The following RCBTB2 variants were observed in gnomAD, a reference collection of about 807,000 sequenced individuals.
The protein encoded by RCBTB2 is RCC1 and BTB domain containing protein 2.
RCBTB2 carries 55 observed loss-of-function variants against 65.4 expected under a neutral mutation model. That is an observed-to-expected ratio of 0.84 (90% CI 0.68 to 1.05). RCBTB2 has a LOEUF of 1.05. RCBTB2 is among the 50% of genes least tolerant of loss of function. The pLI is 0.00. For synonymous variants in RCBTB2, 220 were observed against 255.2 expected (o/e 0.86, Z 1.31); for missense variants, 599 against 680.1 (o/e 0.88, Z 1.33).
intron 1 of RCBTB2, among the ~76,000 whole-genome samples, chr13:48,531,246 T>C (rs1027701254): frequency 6.6e-6 from 1 of 152,232 alleles, no homozygotes; most frequent in Admixed American, 6.5e-5. Flanking sequence ...GTTGAATAAA[T>C]GAATGAATCT....
intron 10 of RCBTB2, chr13:48,504,495 G>T: frequency 3.7e-6 from 1 of 272,588 alleles, no homozygotes; most frequent in Non-Finnish European, 5.6e-6. Context: ...ATCTTGTAAG[G>T]CCCAGTTCAA....
chr13:48,496,587 G>GA (rs1289952018), intron 13 of RCBTB2, among the ~76,000 whole-genome samples: 5 of 151,304 alleles, frequency 3.3e-5, no homozygotes, highest in Non-Finnish European at 5.9e-5. Context: ...TTTTTCCTAG[G>GA]AAAAAAGCAT....
intron 13 of RCBTB2, among the ~76,000 whole-genome samples, chr13:48,499,408 C>A (rs1950132267): frequency 6.6e-6 from 1 of 152,206 alleles, no homozygotes; most frequent in Non-Finnish European, 1.5e-5. Flanking sequence ...CTGCAATGCT[C>A]CACGGTGGTG....
chr13:48,504,766 C>T (rs572208740), intron 10 of RCBTB2, among the ~76,000 whole-genome samples: 7 of 152,244 alleles, frequency 4.6e-5, no homozygotes, highest in South Asian at 2.1e-4. Context: ...CCCACTGACA[C>T]GGGCTAGCAC....
In RCBTB2 at chr13:48,515,604, G is replaced by A; in HGVS notation, c.180C>T (p.Tyr60=). Residue 60 remains tyrosine, a synonymous_variant, in exon 5 of 15, where the codon TAC becomes TAT. Transcript: ENST00000344532. ...VFGSAGNEVL[Y]TTVNDEIFVL... is the part of the protein sequence containing the mutation. ...AAATTACCTCATCATTTACTGTAGTGTATAAAACTTCATTGCCAGCACTGC... is the reference window on the plus strand; with the variant it reads ...AAATTACCTCATCATTTACTGTAGTATATAAAACTTCATTGCCAGCACTGC... The A allele has an allele frequency of 7.5e-6, 12 of 1,610,260 alleles. No homozygotes were observed. Among genetic ancestry groups the A allele is most frequent in the Non-Finnish European group, 1.0e-5 (12 of 1,178,844 alleles).
intron 1 of RCBTB2, among the ~76,000 whole-genome samples, chr13:48,527,712 C>T (rs962836660): frequency 8.5e-5 from 13 of 152,064 alleles, no homozygotes; most frequent in African/African-American, 1.7e-4. Context: ...CCTAATTGTA[C>T]GGTTCACTAA....
intron 6 of RCBTB2, among the ~76,000 whole-genome samples, chr13:48,513,875 C>T (rs115005825): frequency 0.011 from 1,698 of 152,298 alleles, 25 homozygotes; most frequent in African/African-American, 0.039. Flanking sequence ...GCAGGAGATA[C>T]ATTCTAAGAC....
At chr13:48,518,473 ATATAT>A (rs1207990050) in intron 4 of RCBTB2, among the ~76,000 whole-genome samples, 37 of 80,748 alleles carry the variant, frequency 4.6e-4, no homozygotes, top group African/African-American at 2.3e-3. Flanking sequence ...AAAAAAAAAA[ATATAT>A]ATATATATAT....
intron 14 of RCBTB2, chr13:48,492,534 G>A (rs895158924): frequency 2.0e-5 from 3 of 152,134 alleles, no homozygotes; most frequent in Non-Finnish European, 4.4e-5. Flanking sequence ...CTACTTCCAC[G>A]CTCCGATCAG....
In RCBTB2 at chr13:48,511,939, T is replaced by A. The variant is rs1280629015; in HGVS notation, c.676-62A>T. On this transcript the variant is annotated intron_variant, in intron 8 of 14. Transcript: ENST00000344532. ...CAAATGGCCAGCAAGCTGTCTGTTA[T>A]GTGGGACATACCATACTGGCATGAG... The A allele has an allele frequency of 1.9e-6, 3 of 1,609,604 alleles. No homozygotes were observed. In the Admixed American group the frequency reaches 5.0e-5, roughly 27 times the overall value.
At chr13:48,490,663 A>AAGAGTTGATGGAAG (rs1183681648) in intron 14 of RCBTB2, among the ~76,000 whole-genome samples, 4 of 152,228 alleles carry the variant, frequency 2.6e-5, no homozygotes, top group African/African-American at 9.6e-5. Flanking sequence ...TCTGCCTATA[A>AAGAGTTGATGGAAG]AGAGTTGATG....
At chr13:48,506,434 G>T (rs116654128) in intron 10 of RCBTB2, among the ~76,000 whole-genome samples, 9 of 152,230 alleles carry the variant, frequency 5.9e-5, no homozygotes, top group African/African-American at 9.7e-5. Context: ...GCAAGGGAGA[G>T]AAAGAATAGT....
chr13:48,511,896 C>T lies in RCBTB2; in HGVS notation c.676-19G>A. On this transcript the variant is annotated intron_variant, in intron 8 of 14. Coordinates refer to ENST00000344532, the MANE Select transcript of RCBTB2 (RefSeq NM_001268.4). ...CATAGACCTGAGAGAAAATGAGACC[C>T]TCAATCCTCTCAAGAGACAAATGGC... The T allele has an allele frequency of 6.2e-7, 1 of 1,613,194 alleles. No homozygotes were observed. Among genetic ancestry groups the T allele is most frequent in the Non-Finnish European group, 8.5e-7 (1 of 1,179,276 alleles).
intron 10 of RCBTB2, among the ~76,000 whole-genome samples, chr13:48,504,999 G>A (rs950310309): frequency 6.6e-6 from 1 of 151,794 alleles, no homozygotes; most frequent in Non-Finnish European, 1.5e-5. Context: ...ATGGCCCACA[G>A]TGGAGAGCTC....
At chr13:48,531,490 T>C (rs1046054318) in intron 1 of RCBTB2, among the ~76,000 whole-genome samples, 1 of 152,208 alleles carries the variant, frequency 6.6e-6, no homozygotes, top group African/African-American at 2.4e-5. Flanking sequence ...ATGGCAATTG[T>C]TTCAAGACTT....
chr13:48,498,877 A>G (rs1950095294), intron 13 of RCBTB2, among the ~76,000 whole-genome samples: 1 of 151,950 alleles, frequency 6.6e-6, no homozygotes, highest in Admixed American at 6.6e-5. Context: ...CAGTGCAGCC[A>G]TCCTTCTCTC....
At chr13:48,520,277 G>A (rs911426250) in intron 4 of RCBTB2, among the ~76,000 whole-genome samples, 14 of 152,108 alleles carry the variant, frequency 9.2e-5, no homozygotes, top group Admixed American at 7.9e-4. Context: ...CTGCATGACA[G>A]CAGCTGTCTC....
intron 10 of RCBTB2, among the ~76,000 whole-genome samples, chr13:48,509,280 T>C (rs1402501034): frequency 3.3e-5 from 5 of 152,230 alleles, no homozygotes; most frequent in Non-Finnish European, 7.4e-5. Flanking sequence ...TGAGCCGTGA[T>C]TGCACCACTG....
At chr13:48,509,509 C>G (rs926506653) in intron 10 of RCBTB2, among the ~76,000 whole-genome samples, 1 of 152,186 alleles carries the variant, frequency 6.6e-6, no homozygotes, top group Non-Finnish European at 1.5e-5. Flanking sequence ...CTCTAAGCTA[C>G]AAGATGTGTG....
Sources: gnomAD v4.1 joint callset for allele counts (sites outside exome capture counted in the v4.1 genomes callset) on GRCh38, gnomAD v4.1.1 for gene constraint, MANE v1.5 for transcripts, NCBI Gene and HGNC (gene_info 2026-07-23, HGNC 2026-07-21) for gene names.